XXYLT1: variants seen among roughly 807,000 people sequenced by gnomAD.
The protein encoded by XXYLT1 is xyloside xylosyltransferase 1.
Under a neutral mutation model 28.9 loss-of-function variants are expected in XXYLT1, and 20 were observed. The observed-to-expected ratio is 0.69, with a 90% CI of 0.49 to 1.00. The LOEUF is 1.00. Ranked by LOEUF, XXYLT1 falls within the 50% of genes least tolerant of loss-of-function variation. XXYLT1 has a pLI of 0.00. For synonymous variants in XXYLT1, 257 were observed against 253.8 expected (o/e 1.01, Z -0.12); for missense variants, 542 against 560.1 (o/e 0.97, Z 0.33).
At position 195,200,672 on chromosome 3, in the gene XXYLT1, C is replaced by A. The variant is rs147305537; in HGVS notation, c.652+26037G>T. 1.7e-4 allele frequency among the ~76,000 whole-genome samples: 26 copies of A among 152,310 alleles called. No homozygotes were observed. In the East Asian group the frequency reaches 4.8e-3, roughly 28 times the overall value. ...GAATCTAGGACTATACTGCAACATG[C>A]CCCAAACCTGGAAACATCTGTCTAA... is the stretch of plus-strand genomic sequence containing the variant. On this transcript the variant is annotated intron_variant, in intron 2 of 3. Coordinates refer to ENST00000310380, the MANE Select transcript of XXYLT1 (RefSeq NM_152531.5).
chr3:195,237,123 A>G (rs1724582872), intron 1 of XXYLT1, among the ~76,000 whole-genome samples: 1 of 152,078 alleles, frequency 6.6e-6, no homozygotes, highest in African/African-American at 2.4e-5. Context: ...TGTAACCCCC[A>G]AGTCCACTGG....
chr3:195,263,902 G>A (rs1725765134), intron 1 of XXYLT1, among the ~76,000 whole-genome samples: 1 of 152,200 alleles, frequency 6.6e-6, no homozygotes, highest in African/African-American at 2.4e-5. Flanking sequence ...CAGAAACAGT[G>A]CTGAGACTAT....
intron 2 of XXYLT1, 125 bp from the exon 3 acceptor site, chr3:195,156,706 G>A: frequency 1.6e-6 from 2 of 1,264,538 alleles, no homozygotes; most frequent in South Asian, 2.9e-5. Context: ...AGTGAATGAT[G>A]CACAGTTACC....
At position 195,169,865 on chromosome 3, in the gene XXYLT1, A is replaced by T. The variant is rs1323439922; in HGVS notation, c.653-13284T>A. 2.1e-4 allele frequency among the ~76,000 whole-genome samples: 27 copies of T among 130,352 alleles called. 1 individual carries two copies. The highest frequency in any genetic ancestry group is 1.7e-4 in the African/African-American group (5 of 28,774). The allele number at this position is 130,352 out of a possible 152,430, so 85.5% of individuals were successfully genotyped here. A position where few individuals can be genotyped will look rare whatever the true frequency, so the allele number is the denominator to read the frequency against. On this transcript the variant is annotated intron_variant, in intron 2 of 3. Transcript: ENST00000310380. ...TGTGTGTGTGTACATATATATATAT[A>T]TATATTTTTTTTTTTTTGAGATGGA...
intron 3 of XXYLT1, among the ~76,000 whole-genome samples, chr3:195,075,418 C>T (rs1421298309): frequency 1.3e-5 from 2 of 152,184 alleles, no homozygotes; most frequent in Non-Finnish European, 2.9e-5. Flanking sequence ...CTGGCCTGTC[C>T]AGGGTCACGC....
intron 3 of XXYLT1, among the ~76,000 whole-genome samples, chr3:195,145,187 G>A (rs1283857888): frequency 6.6e-6 from 1 of 152,242 alleles, no homozygotes; most frequent in Non-Finnish European, 1.5e-5. Context: ...TCCATGCAGA[G>A]ACTGGGCTTG....
chr3:195,242,146 G>A (rs554375726), intron 1 of XXYLT1, among the ~76,000 whole-genome samples: 1 of 152,326 alleles, frequency 6.6e-6, no homozygotes, highest in African/African-American at 2.4e-5. Flanking sequence ...TGGGACAACT[G>A]TTTCAGACAC....
intron 3 of XXYLT1, among the ~76,000 whole-genome samples, chr3:195,101,994 AGGAC>A (rs1343586591): frequency 5.3e-5 from 5 of 94,272 alleles, no homozygotes; most frequent in Non-Finnish European, 8.5e-5. Context: ...GCGGGGAGGG[AGGAC>A]AGAAAGAAAG....
chr3:195,267,551 A>T (rs1310174780), intron 1 of XXYLT1, among the ~76,000 whole-genome samples: 1 of 152,200 alleles, frequency 6.6e-6, no homozygotes, highest in Admixed American at 6.5e-5. Flanking sequence ...TACTGAAAAA[A>T]CAATTCCAGT....
intron 3 of XXYLT1, among the ~76,000 whole-genome samples, chr3:195,099,830 C>CAAAAAAAAAAA (rs35428286): frequency 1.0e-5 from 1 of 97,222 alleles, no homozygotes; most frequent in Non-Finnish European, 2.2e-5. Flanking sequence ...GACTCTGTCT[C>CAAAAAAAAAAA]AAAAAAAAAA....
At chr3:195,228,322 G>A (rs967956320) in intron 1 of XXYLT1, among the ~76,000 whole-genome samples, 3 of 151,864 alleles carry the variant, frequency 2.0e-5, no homozygotes, top group Admixed American at 6.6e-5. Flanking sequence ...TCCAATAGGC[G>A]GGCTCCACTC....
intron 2 of XXYLT1, among the ~76,000 whole-genome samples, chr3:195,206,919 A>C (rs1723098226): frequency 6.6e-6 from 1 of 152,236 alleles, no homozygotes; most frequent in South Asian, 2.1e-4. Flanking sequence ...GCCGGTGATG[A>C]GTACACAGGC....
chr3:195,119,587 G>A (rs372880774), intron 3 of XXYLT1, among the ~76,000 whole-genome samples: 4 of 152,228 alleles, frequency 2.6e-5, no homozygotes, highest in South Asian at 2.1e-4. Flanking sequence ...CCCGGGCCCC[G>A]CACAGAGTAT....
chr3:195,195,475 G>T lies in XXYLT1; in HGVS notation c.652+31234C>A, dbSNP rs1722587548. 6.6e-6 allele frequency among the ~76,000 whole-genome samples: 1 copy of T among 152,204 alleles called. No homozygotes were observed. The highest frequency in any genetic ancestry group is 2.4e-5 in the African/African-American group (1 of 41,446). ...GAAGTCCCACTGAGAAGTGGCCGCA[G>T]TTCTTCCACTGGACAGAGCCTCTTT... On this transcript the variant is annotated intron_variant, in intron 2 of 3. Transcript: ENST00000310380. This position sits in a 1 kb window ranked among gnomAD's most constrained non-coding sequence, Gnocchi z 4.4.
chr3:195,214,915 CAGAG>C, intron 2 of XXYLT1: 1 of 152,110 alleles, frequency 6.6e-6, no homozygotes, highest in East Asian at 1.9e-4. Flanking sequence ...TAAGGGCAGC[CAGAG>C]AGAAAGGTCG....
At chr3:195,148,713 C>G (rs1230188305) in intron 3 of XXYLT1, among the ~76,000 whole-genome samples, 3 of 152,138 alleles carry the variant, frequency 2.0e-5, no homozygotes, top group Admixed American at 2.0e-4. Context: ...GTGTGCTTGG[C>G]TAGAGGTTAG....
At position 195,176,969 on chromosome 3, in the gene XXYLT1, C is replaced by A. The variant is rs1360360098; in HGVS notation, c.653-20388G>T. Among the ~76,000 whole-genome samples, 1 of 152,252 alleles carries A rather than the reference C, an allele frequency of 6.6e-6. No individual in the cohort carries two copies. ...TGCTGCCGCTGCTGACGTCCCCCCGCCACAGCAGGTCGGGGACCACATGCC... is the reference window on the plus strand; with the variant it reads ...TGCTGCCGCTGCTGACGTCCCCCCGACACAGCAGGTCGGGGACCACATGCC... On this transcript the variant is annotated intron_variant, in intron 2 of 3. Transcript: ENST00000310380. The surrounding 1 kb of genome is among the most constrained non-coding windows in gnomAD (Gnocchi z 4.9).
chr3:195,210,957 G>A lies in XXYLT1; in HGVS notation c.652+15752C>T, dbSNP rs1036353223. 6.6e-6 allele frequency among the ~76,000 whole-genome samples: 1 copy of A among 152,172 alleles called. No homozygotes were observed. The highest frequency in any genetic ancestry group is 2.4e-5 in the African/African-American group (1 of 41,426). On this transcript the variant is annotated intron_variant, in intron 2 of 3. Coordinates refer to ENST00000310380, the MANE Select transcript of XXYLT1 (RefSeq NM_152531.5). This position sits in a 1 kb window ranked among gnomAD's most constrained non-coding sequence, Gnocchi z 4.8. ...CACAGCAGGAATCAGAGTTCTCCAG[G>A]CTTGGGGAACCATCAAGAAATGGCT...
In XXYLT1 at chr3:195,068,773, G is replaced by A. The variant is rs1714639324; in HGVS notation, c.*942C>T. 1 of 152,016 alleles carries A rather than the reference G, an allele frequency of 6.6e-6. No individual in the cohort carries two copies. Among genetic ancestry groups the A allele is most frequent in the Non-Finnish European group, 1.5e-5 (1 of 68,012 alleles). The allele number at this position is 152,016 out of a possible 1,614,324, so 9.4% of individuals were successfully genotyped here. A position where few individuals can be genotyped will look rare whatever the true frequency, so the allele number is the denominator to read the frequency against. On this transcript the variant is annotated 3_prime_UTR_variant, in exon 4 of 4. Transcript: ENST00000310380. ...TTTTTAAAATATTTTGTAGCGATGGGGGCCTCCCTGTGTTTCCCAGGCTGA... is the reference window on the plus strand; with the variant it reads ...TTTTTAAAATATTTTGTAGCGATGGAGGCCTCCCTGTGTTTCCCAGGCTGA...
Sources: gnomAD v4.1 joint callset for allele counts (sites outside exome capture counted in the v4.1 genomes callset) on GRCh38, gnomAD v4.1.1 for gene constraint, Gnocchi (gnomAD v3.1) non-coding constraint, MANE v1.5 for transcripts, NCBI Gene and HGNC (gene_info 2026-07-23, HGNC 2026-07-21) for gene names.